Variants in FBXL13 observed in about 807,000 individuals in gnomAD.
FBXL13 encodes the protein F-box and leucine rich repeat protein 13, also known as F-box and leucine-rich repeat protein 13.
Under a neutral mutation model 83.6 loss-of-function variants are expected in FBXL13, and 67 were observed. That is an observed-to-expected ratio of 0.80 (90% CI 0.66 to 0.98). The LOEUF is 0.98. Ranked by LOEUF, FBXL13 falls within the 50% of genes least tolerant of loss-of-function variation. The pLI is 0.00. For synonymous variants in FBXL13, 272 were observed against 299.5 expected (o/e 0.91, Z 0.95); for missense variants, 822 against 866.5 (o/e 0.95, Z 0.64).
chr7:103,036,747 A>G (rs567308314), intron 2 of FBXL13, among the ~76,000 whole-genome samples: 1 of 152,288 alleles, frequency 6.6e-6, no homozygotes, highest in African/African-American at 2.4e-5. Flanking sequence ...CCTGGCCTCA[A>G]GTGATCTGCC....
intron 8 of FBXL13, among the ~76,000 whole-genome samples, chr7:102,951,205 A>G (rs1044643846): frequency 1.3e-5 from 2 of 151,744 alleles, no homozygotes; most frequent in Non-Finnish European, 2.9e-5. Context: ...AGTGGCTCAC[A>G]CCCGTAATCC....
At chr7:103,028,689 C>G (rs752308768) in exon 4 of FBXL13, 18 of 1,602,380 alleles carry the variant, frequency 1.1e-5, no homozygotes, top group African/African-American at 6.7e-5. Context: ...TGTCACTGCT[C>G]TGTTCATTTT....
intron 2 of FBXL13, among the ~76,000 whole-genome samples, chr7:103,053,739 T>A (rs1382021923): frequency 6.6e-6 from 1 of 152,062 alleles, no homozygotes; most frequent in Non-Finnish European, 1.5e-5. Context: ...CCCAAACAGC[T>A]CCAAAAACAC....
intron 2 of FBXL13, chr7:103,031,347 C>T (rs572581683): frequency 6.6e-6 from 1 of 152,372 alleles, no homozygotes; most frequent in Non-Finnish European, 1.5e-5. Context: ...CTTCCTCTCA[C>T]CTTTTAATTC....
chr7:102,986,224 C>T (rs1212766543), intron 6 of FBXL13, among the ~76,000 whole-genome samples: 2 of 152,124 alleles, frequency 1.3e-5, no homozygotes, highest in African/African-American at 4.8e-5. Flanking sequence ...GAAGCCAAAC[C>T]AGCCCCACAA....
At chr7:103,025,521 T>G (rs1485724199) in intron 5 of FBXL13, among the ~76,000 whole-genome samples, 1 of 152,076 alleles carries the variant, frequency 6.6e-6, no homozygotes, top group East Asian at 1.9e-4. Flanking sequence ...GACCACAAAG[T>G]CAAGGCTCTG....
At position 102,855,824 on chromosome 7, in the gene FBXL13, A is replaced by C. The variant is rs1351481723; in HGVS notation, c.1636-964T>G. Among the ~76,000 whole-genome samples the C allele has an allele frequency of 2.0e-5, 3 of 151,564 alleles. No individual in the cohort carries two copies. The East Asian group carries it at 5.8e-4, about 29-fold the overall frequency. ...ATTTAAAATGGGCTATGCAAATATTATATCTTGTTTTTTTTGTTTGTTTGT... is the reference window on the plus strand; with the variant it reads ...ATTTAAAATGGGCTATGCAAATATTCTATCTTGTTTTTTTTGTTTGTTTGT... On this transcript the variant is annotated intron_variant, in intron 16 of 19. Transcript: ENST00000313221.
chr7:102,840,618 A>T (rs1370688978), intron 17 of FBXL13, among the ~76,000 whole-genome samples: 1 of 152,156 alleles, frequency 6.6e-6, no homozygotes, highest in Non-Finnish European at 1.5e-5. Flanking sequence ...CCATTTAAGG[A>T]TCTCTAAGAA....
At chr7:103,039,169 A>G (rs1795397610) in intron 2 of FBXL13, among the ~76,000 whole-genome samples, 1 of 152,234 alleles carries the variant, frequency 6.6e-6, no homozygotes, top group Admixed American at 6.5e-5. Context: ...GAACTTCATG[A>G]TGCATGCATA....
chr7:102,936,094 T>C (rs1820258185), intron 8 of FBXL13: 1 of 129,630 alleles, frequency 7.7e-6, no homozygotes, highest in African/African-American at 2.9e-5. Flanking sequence ...GCAGCAGCCA[T>C]GTGGCACAGG....
In FBXL13 at chr7:102,963,527, A is replaced by G; in HGVS notation, c.724+6T>C. ...CAAGACAAATAGTTGTAATGAACAT[A>G]CTTACTGACAGATCTGAAAGTTTTG... On this transcript the variant is annotated splice_donor_region_variant and intron_variant, in intron 8 of 19. Coordinates refer to ENST00000313221, the Ensembl canonical transcript of FBXL13. 1 of 1,609,746 alleles carries G rather than the reference A, an allele frequency of 6.2e-7. No individual in the cohort carries two copies.
At chr7:103,004,923 T>C (rs1046276808) in intron 6 of FBXL13, among the ~76,000 whole-genome samples, 1 of 152,222 alleles carries the variant, frequency 6.6e-6, no homozygotes, top group Non-Finnish European at 1.5e-5. Context: ...ACTTGTTAAT[T>C]TCTTAAATCT....
At chr7:102,930,818 A>G (rs577215850) in intron 9 of FBXL13, among the ~76,000 whole-genome samples, 9 of 152,222 alleles carry the variant, frequency 5.9e-5, no homozygotes, top group Non-Finnish European at 7.3e-5. Flanking sequence ...ATAGATGTCA[A>G]CCCAAGATGG....
At chr7:102,838,967 G>A (rs893181616) in intron 17 of FBXL13, among the ~76,000 whole-genome samples, 1 of 152,120 alleles carries the variant, frequency 6.6e-6, no homozygotes, top group African/African-American at 2.4e-5. Context: ...AAAAGAGGAA[G>A]GCCTCTTGCA....
intron 8 of FBXL13, 94 bp downstream of exon 9, chr7:102,963,439 C>G: frequency 6.8e-7 from 1 of 1,469,488 alleles, no homozygotes; most frequent in African/African-American, 1.4e-5. Flanking sequence ...CTAAAACTGT[C>G]ACTGAAGTTT....
intron 11 of FBXL13, among the ~76,000 whole-genome samples, chr7:102,906,092 A>G (rs950311074): frequency 2.6e-5 from 4 of 152,164 alleles, no homozygotes; most frequent in Non-Finnish European, 4.4e-5. Flanking sequence ...CAAAAGCGGA[A>G]GCCCCTGATA....
At chr7:102,847,799 G>T (rs1804290431) in intron 17 of FBXL13, among the ~76,000 whole-genome samples, 1 of 152,144 alleles carries the variant, frequency 6.6e-6, no homozygotes, top group African/African-American at 2.4e-5. Context: ...AAAGTGCTAA[G>T]ATTATAGGTG....
chr7:102,841,545 G>A (rs932601082), intron 17 of FBXL13, among the ~76,000 whole-genome samples: 1 of 152,240 alleles, frequency 6.6e-6, no homozygotes, highest in African/African-American at 2.4e-5. Flanking sequence ...AGAAAACACA[G>A]TACCCATGAC....
chr7:102,998,247 C>CT (rs1224881724), intron 6 of FBXL13, among the ~76,000 whole-genome samples: 1 of 152,068 alleles, frequency 6.6e-6, no homozygotes, highest in African/African-American at 2.4e-5. Context: ...ATTATTTGTT[C>CT]TTTTTATGTT....
Sources: gnomAD v4.1 joint callset for allele counts (sites outside exome capture counted in the v4.1 genomes callset) on GRCh38, gnomAD v4.1.1 for gene constraint, MANE v1.5 for transcripts, NCBI Gene and HGNC (gene_info 2026-07-23, HGNC 2026-07-21) for gene names.